CPNE2: variants seen among roughly 807,000 people sequenced by gnomAD.
CPNE2 encodes the protein copine-2.
A neutral mutation model predicts 69.7 loss-of-function variants in CPNE2; 42 were observed. The observed-to-expected ratio is 0.60, with a 90% confidence interval of 0.47 to 0.78. CPNE2 has a LOEUF of 0.78. CPNE2 is among the 30% of genes least tolerant of loss of function. CPNE2 has a pLI of 0.00. For missense variants in CPNE2, 587 were observed against 732.0 expected (o/e 0.80, Z 2.29); for synonymous variants, 294 against 289.8 (o/e 1.01, Z -0.15).
rs2069695302 is a variant in CPNE2, at chr16:57,113,484, T to C, written c.360+17T>C. On this transcript the variant is annotated intron_variant, in intron 3 of 15. Transcript: ENST00000290776. ...CTGGGCACGGTGAGCTGGGCCCTCC[T>C]GGGTGGGAGCAGGGGCCCAAAGACC... 6.2e-7 allele frequency: 1 copy of C among 1,610,286 alleles called. No individual in the cohort carries two copies. Among genetic ancestry groups the C allele is most frequent in the Admixed American group, 1.7e-5 (1 of 59,664 alleles).
chr16:57,128,753 C>G (rs1567671069), intron 12 of CPNE2, among the ~76,000 whole-genome samples: 2 of 152,338 alleles, frequency 1.3e-5, no homozygotes, highest in South Asian at 2.1e-4. Context: ...CGTCACCCCT[C>G]CATCCTCTCG....
chr16:57,145,078 A>G (rs2069947630), intron 14 of CPNE2: 1 of 152,184 alleles, frequency 6.6e-6, no homozygotes, highest in African/African-American at 2.4e-5. Context: ...CTCCCACACT[A>G]ATTATTCAAT....
At chr16:57,093,445 T>A (rs1304743361) in intron 1 of CPNE2, among the ~76,000 whole-genome samples, 1 of 152,128 alleles carries the variant, frequency 6.6e-6, no homozygotes, top group Non-Finnish European at 1.5e-5. Flanking sequence ...ATTCCCCGTT[T>A]CTCACAGCGA....
chr16:57,119,066 G>A (rs1209892470), intron 5 of CPNE2, 129 bp from the exon 6 acceptor site: 8 of 764,604 alleles, frequency 1.0e-5, no homozygotes, highest in African/African-American at 3.5e-5. Context: ...TGAGGGGAGG[G>A]GGCCAGGCTG....
chr16:57,105,286 C>T (rs138925215), intron 1 of CPNE2, among the ~76,000 whole-genome samples: 18 of 152,218 alleles, frequency 1.2e-4, no homozygotes, highest in Admixed American at 2.0e-4. Context: ...AGATTAAGGA[C>T]GATGAATTCC....
Position 57,147,646 on chromosome 16 carries a change from G to A in CPNE2, c.1635G>A (p.Ser545=), listed in dbSNP as rs750503322. ...FKHKNLPPTN[S]EPA Reference sequence around the variant, plus strand: ...ATAAAAACCTGCCCCCCACCAACTCGGAGCCCGCCTGAGCTCCAGTGCCCA... The same window carrying A: ...ATAAAAACCTGCCCCCCACCAACTCAGAGCCCGCCTGAGCTCCAGTGCCCA... The change falls in exon 16 of 16, where the codon TCG becomes TCA. Residue 545 remains serine (S), a synonymous_variant. Transcript: ENST00000290776. 12 of 1,599,876 alleles carry A rather than the reference G, an allele frequency of 7.5e-6. No homozygotes were observed. Among genetic ancestry groups the A allele is most frequent in the East Asian group, 6.8e-5 (3 of 44,412 alleles).
chr16:57,133,011 C>T (rs1567671871), intron 12 of CPNE2, among the ~76,000 whole-genome samples: 1 of 152,202 alleles, frequency 6.6e-6, no homozygotes, highest in Non-Finnish European at 1.5e-5. Flanking sequence ...GGCTTTCCCA[C>T]TGTGGTCTCT....
At chr16:57,097,813 C>T (rs1359258884) in intron 1 of CPNE2, among the ~76,000 whole-genome samples, 1 of 152,242 alleles carries the variant, frequency 6.6e-6, no homozygotes, top group Admixed American at 6.5e-5. Context: ...GTCCCCTGCC[C>T]TCTGAGCCTG....
chr16:57,110,647 T>G lies in CPNE2; in HGVS notation c.-35-61T>G, dbSNP rs559084796. 8.0e-5 allele frequency: 91 copies of G among 1,137,482 alleles called. No homozygotes were observed. In the African/African-American group the frequency reaches 1.3e-3, roughly 17 times the overall value. The allele number at this position is 1,137,482 out of a possible 1,614,324, so 70.5% of individuals were successfully genotyped here. A position where few individuals can be genotyped will look rare whatever the true frequency, so the allele number is the denominator to read the frequency against. On this transcript the variant is annotated intron_variant, in intron 1 of 15. Transcript: ENST00000290776. Reference sequence around the variant, plus strand: ...TAAAGGCCAGGTGGTAATGCCTCCCTATGGTGGGGCAGCATAGCAGGTGTC... The same window carrying G: ...TAAAGGCCAGGTGGTAATGCCTCCCGATGGTGGGGCAGCATAGCAGGTGTC...
At chr16:57,126,085 T>C in intron 11 of CPNE2, 92 bp downstream of exon 11, 1 of 1,509,136 alleles carries the variant, frequency 6.6e-7, no homozygotes, top group Non-Finnish European at 9.0e-7. Flanking sequence ...CCAGAGATCA[T>C]CAAATCTAGG....
At chr16:57,135,734 C>G (rs899818763) in intron 13 of CPNE2, among the ~76,000 whole-genome samples, 1 of 151,582 alleles carries the variant, frequency 6.6e-6, no homozygotes, top group South Asian at 2.1e-4. Context: ...ATTAGCCAGG[C>G]GTGGTGGTGC....
At position 57,114,502 on chromosome 16, in the gene CPNE2, C is replaced by A. The variant is rs2069703382; in HGVS notation, c.361-974C>A. Among the ~76,000 whole-genome samples the A allele has an allele frequency of 2.0e-5, 3 of 152,346 alleles. No homozygotes were observed. The South Asian group carries it at 6.2e-4, about 32-fold the overall frequency. On this transcript the variant is annotated intron_variant, in intron 3 of 15. Coordinates refer to ENST00000290776, the MANE Select transcript of CPNE2 (RefSeq NM_152727.6). Reference sequence around the variant, plus strand: ...CTGCCCATCCCCCCAACTGGCTGAACCTCTGAAAGCCAGAGGGCAAAAGAG... The same window carrying A: ...CTGCCCATCCCCCCAACTGGCTGAAACTCTGAAAGCCAGAGGGCAAAAGAG...
chr16:57,108,440 T>C (rs1252642659), intron 1 of CPNE2, among the ~76,000 whole-genome samples: 1 of 152,084 alleles, frequency 6.6e-6, no homozygotes, highest in East Asian at 1.9e-4. Flanking sequence ...ACTGGAGAAG[T>C]TCAGGGTCAG....
At position 57,117,586 on chromosome 16, in the gene CPNE2, G is replaced by A. The variant is rs752274552; in HGVS notation, c.507+19G>A. 3.1e-6 allele frequency: 5 copies of A among 1,612,038 alleles called. No individual in the cohort carries two copies. The Admixed American group carries it at 5.0e-5, about 16-fold the overall frequency. On this transcript the variant is annotated intron_variant, in intron 5 of 15. Transcript: ENST00000290776. ...CAAGAAGGTAAGGCGGGCAGAGGAA[G>A]GGCTCCCATTGGGAACAGTAGCCCC...
chr16:57,119,383 A>G (rs1410141746), intron 6 of CPNE2, 105 bp downstream of exon 6: 6 of 1,281,188 alleles, frequency 4.7e-6, no homozygotes, highest in Middle Eastern at 1.9e-4. Flanking sequence ...AGTGTGCAGG[A>G]AAACCCACAG....
chr16:57,104,635 A>T (rs889061904), intron 1 of CPNE2, among the ~76,000 whole-genome samples: 9 of 152,188 alleles, frequency 5.9e-5, no homozygotes, highest in Non-Finnish European at 1.2e-4. Context: ...GGAAACAGTG[A>T]TGATGTCCTC....
chr16:57,134,540 G>T (rs2069862787), intron 12 of CPNE2, among the ~76,000 whole-genome samples: 1 of 152,108 alleles, frequency 6.6e-6, no homozygotes, highest in Non-Finnish European at 1.5e-5. Flanking sequence ...AGGGTGACCT[G>T]CCAGGGTCTC....
intron 12 of CPNE2, among the ~76,000 whole-genome samples, chr16:57,132,791 C>T (rs1236191983): frequency 1.3e-5 from 2 of 152,104 alleles, no homozygotes; most frequent in Non-Finnish European, 2.9e-5. Flanking sequence ...CCTGGGCACT[C>T]CCTGGCCCTC....
At chr16:57,118,523 T>C (rs2069736938) in intron 5 of CPNE2, among the ~76,000 whole-genome samples, 1 of 151,960 alleles carries the variant, frequency 6.6e-6, no homozygotes, top group South Asian at 2.1e-4. Context: ...ATAACCTCTT[T>C]AAAGTAACAG....
Sources: gnomAD v4.1 joint callset for allele counts (sites outside exome capture counted in the v4.1 genomes callset) on GRCh38, gnomAD v4.1.1 for gene constraint, MANE v1.5 for transcripts, NCBI Gene and HGNC (gene_info 2026-07-23, HGNC 2026-07-21) for gene names.